Variants in NUP214 observed in about 807,000 individuals in gnomAD.
NUP214 encodes nuclear pore complex protein Nup214.
In NUP214, 79 loss-of-function variants were observed where a neutral mutation model predicts 196.2. The ratio of observed to expected loss-of-function variants is 0.40; its 90% CI spans 0.34 to 0.49. The LOEUF (loss-of-function observed/expected upper bound fraction) is 0.49, where lower values mean the gene tolerates loss of function less well. Ranked by LOEUF, NUP214 falls within the 20% of genes least tolerant of loss-of-function variation. NUP214 has a pLI of 0.58. For missense variants in NUP214, 2,468 were observed against 2,539.0 expected, an observed-to-expected ratio of 0.97 and a Z score of 0.60; for synonymous variants, 1,020 against 990.5, an observed-to-expected ratio of 1.03 and a Z score of -0.56.
intron 2 of NUP214, 109 bp from the exon 3 acceptor site, chr9:131,128,221 GTA>G (rs2133440838): frequency 1.3e-6 from 1 of 757,556 alleles, no homozygotes; most frequent in African/African-American, 1.7e-5. Flanking sequence ...GTATTGGGGT[GTA>G]TGTGTGTTTA....
intron 24 of NUP214, among the ~76,000 whole-genome samples, chr9:131,183,304 C>T (rs1833344944): frequency 1.3e-5 from 2 of 152,196 alleles, no homozygotes; most frequent in South Asian, 4.1e-4. Flanking sequence ...AGGCTGGTCT[C>T]GAACTCCTGA....
rs2131047219 is a variant in NUP214 at position 131,198,470 on chromosome 9, A to G, written c.4976A>G (p.Gln1659Arg). ...GCCAGTTCTAGCTCAGCTTTCAACCAGCTCACCAACAACACAGCCACTGCC... is the reference window on the plus strand; with the variant it reads ...GCCAGTTCTAGCTCAGCTTTCAACCGGCTCACCAACAACACAGCCACTGCC... ...PAASSSSAFN[Q>R]LTNNTATAPS... The change falls in exon 29 of 36, where the codon CAG becomes CGG. Residue 1659 changes from glutamine to arginine, a missense_variant. Physicochemically the swap from Gln to Arg is conservative, Grantham distance 43. Coordinates refer to ENST00000359428, the MANE Select transcript of NUP214 (RefSeq NM_005085.4). 2 of 1,614,140 alleles carry G rather than the reference A, an allele frequency of 1.2e-6. No individual in the cohort carries two copies. Among genetic ancestry groups the G allele is most frequent in the East Asian group, 4.5e-5 (2 of 44,832 alleles).
intron 21 of NUP214, among the ~76,000 whole-genome samples, chr9:131,166,771 A>G (rs1396227075): frequency 6.6e-6 from 1 of 150,932 alleles, no homozygotes. Context: ...TTTTTTTTTA[A>G]TTTGACATTT....
intron 26 of NUP214, 126 bp from the exon 27 acceptor site, chr9:131,192,082 A>G (rs1000135291): frequency 6.8e-6 from 4 of 587,444 alleles, no homozygotes; most frequent in Non-Finnish European, 1.1e-5. Flanking sequence ...GTGTCACAGA[A>G]GGCACATGTG....
intron 21 of NUP214, chr9:131,166,952 G>A (rs1832801838): frequency 6.6e-6 from 1 of 152,120 alleles, no homozygotes; most frequent in African/African-American, 2.4e-5. Flanking sequence ...ATTTCAGCAT[G>A]TGTCCTCCCA....
In NUP214 at chr9:131,150,716, A is replaced by G; in HGVS notation, c.2228A>G (p.Glu743Gly). The G allele has an allele frequency of 6.2e-7, 1 of 1,614,152 alleles. No individual in the cohort carries two copies. Among genetic ancestry groups the G allele is most frequent in the Non-Finnish European group, 8.5e-7 (1 of 1,180,012 alleles). Residue 743 changes from glutamate (E) to glycine (G), a missense_variant, in exon 16 of 36, where the codon GAA becomes GGA. Physicochemically the swap from Glu to Gly is moderately conservative, Grantham distance 98 (BLOSUM62 -2). Transcript: ENST00000359428. ...TSEEMKMLRT[E>G]SDDLHTFLLE... ...GAGGAGATGAAGATGCTGCGAACAG[A>G]ATCAGATGACTTGCATACCTTTCTT...
chr9:131,228,492 AG>A, intron 33 of NUP214, 161 bp downstream of exon 33: 1 of 618,078 alleles, frequency 1.6e-6, no homozygotes, highest in Non-Finnish European at 2.6e-6. Context: ...CTCCAGGGTA[AG>A]ACTCATTTCG....
chr9:131,186,025 C>T (rs1054527712), intron 24 of NUP214, among the ~76,000 whole-genome samples: 1 of 152,174 alleles, frequency 6.6e-6, no homozygotes, highest in Non-Finnish European at 1.5e-5. Context: ...AGTTTCCTTT[C>T]CTTTGTAATC....
At chr9:131,196,673 T>C (rs1588160527) in intron 28 of NUP214, among the ~76,000 whole-genome samples, 1 of 152,224 alleles carries the variant, frequency 6.6e-6, no homozygotes, top group African/African-American at 2.4e-5. Flanking sequence ...CCAGAGCCCA[T>C]GTCCTTGACC....
chr9:131,216,045 G>A (rs543722500), intron 31 of NUP214, among the ~76,000 whole-genome samples: 1 of 151,620 alleles, frequency 6.6e-6, no homozygotes, highest in African/African-American at 2.4e-5. Context: ...TGGGATTACA[G>A]GCACGTGCTA....
chr9:131,220,271 CAT>C (rs1320672458), intron 31 of NUP214, among the ~76,000 whole-genome samples: 1 of 152,080 alleles, frequency 6.6e-6, no homozygotes, highest in African/African-American at 2.4e-5. Flanking sequence ...AATATGGTAA[CAT>C]ATTTTCAAAA....
chr9:131,190,585 C>T (rs1047814228), intron 26 of NUP214: 8 of 600,444 alleles, frequency 1.3e-5, no homozygotes, highest in Non-Finnish European at 2.0e-5. Context: ...AAGAGCATTT[C>T]TAAAACCTCT....
chr9:131,225,563 T>C (rs1388170854), intron 32 of NUP214, among the ~76,000 whole-genome samples: 2 of 152,220 alleles, frequency 1.3e-5, no homozygotes, highest in Non-Finnish European at 2.9e-5. Flanking sequence ...ATCTTTCAGA[T>C]ACATAAGATG....
At position 131,133,203 on chromosome 9, in the gene NUP214, A is replaced by G; in HGVS notation, c.825A>G (p.Leu275=). Residue 275 remains leucine (L), a synonymous_variant, in exon 7 of 36, where the codon CTA becomes CTG. Coordinates refer to ENST00000359428, the MANE Select transcript of NUP214 (RefSeq NM_005085.4). ...CGTCTCCAGATGTGGTGATGGCTCTACTACCGGTATGCCTGTGGAAGAAAT... is the reference window on the plus strand; with the variant it reads ...CGTCTCCAGATGTGGTGATGGCTCTGCTACCGGTATGCCTGTGGAAGAAAT... ...LETSPDVVMA[L]LPKKEEKHPE... is the part of the protein sequence containing the mutation. 6.4e-7 allele frequency: 1 copy of G among 1,554,378 alleles called. No homozygotes were observed.
Position 131,232,142 on chromosome 9 carries a change from C to T in NUP214, c.6215-142C>T. The T allele has an allele frequency of 1.3e-6, 1 of 797,362 alleles. No homozygotes were observed. The highest frequency in any genetic ancestry group is 2.2e-6 in the Non-Finnish European group (1 of 451,022). The allele number at this position is 797,362 out of a possible 1,614,324, so 49.4% of individuals were successfully genotyped here. A position where few individuals can be genotyped will look rare whatever the true frequency, so the allele number is the denominator to read the frequency against. On this transcript the variant is annotated intron_variant, in intron 34 of 35. Transcript: ENST00000359428. This position sits in a 1 kb window ranked among gnomAD's most constrained non-coding sequence, Gnocchi z 5.1. ...CAGAATAAAGGGGCTTCTGTGTGTA[C>T]CTTTCCTGCCTTCCTGTAGGTGGTG...
intron 12 of NUP214, 147 bp from the exon 13 acceptor site, chr9:131,145,982 C>A: frequency 1.4e-6 from 1 of 705,916 alleles, no homozygotes; most frequent in Non-Finnish European, 2.4e-6. Flanking sequence ...AATAGCTAAA[C>A]ATTTTTGTTT....
At chr9:131,206,525 G>T (rs943654520) in intron 30 of NUP214, among the ~76,000 whole-genome samples, 1 of 151,896 alleles carries the variant, frequency 6.6e-6, no homozygotes, top group African/African-American at 2.4e-5. Context: ...GGTAACTGCA[G>T]CCTTGATCTC....
chr9:131,219,772 C>T (rs907496748), intron 31 of NUP214, among the ~76,000 whole-genome samples: 4 of 152,106 alleles, frequency 2.6e-5, no homozygotes, highest in Non-Finnish European at 4.4e-5. Context: ...ATGAAGAAGC[C>T]GTTTGATGAT....
At chr9:131,222,588 A>T (rs553647856) in intron 31 of NUP214, 190 bp from the exon 32 acceptor site, 1 of 527,270 alleles carries the variant, frequency 1.9e-6, no homozygotes, top group Non-Finnish European at 3.2e-6. Context: ...ATGATTAAAA[A>T]CTTCCCAGCA....
Sources: allele counts gnomAD v4.1 joint callset (sites outside exome capture counted in the v4.1 genomes callset), GRCh38; gene constraint gnomAD v4.1.1; non-coding constraint Gnocchi (gnomAD v3.1); transcripts MANE v1.5; gene names NCBI Gene and HGNC (gene_info 2026-07-23, HGNC 2026-07-21).